KCNJ16: variants seen among roughly 807,000 people sequenced by gnomAD.
The protein encoded by KCNJ16 is inward rectifier potassium channel 16.
In KCNJ16, 15 loss-of-function variants were observed where a neutral mutation model predicts 18.5. The observed-to-expected ratio is 0.81, with a 90% CI of 0.54 to 1.25. KCNJ16 has a LOEUF of 1.25. Among genes scored for constraint, KCNJ16 ranks in the 50% most tolerant of loss-of-function variants. KCNJ16 has a pLI of 0.00. For synonymous variants in KCNJ16, 174 were observed against 186.5 expected, an observed-to-expected ratio of 0.93 and a Z score of 0.55; for missense variants, 523 against 525.7, an observed-to-expected ratio of 0.99 and a Z score of 0.05.
intron 2 of KCNJ16, among the ~76,000 whole-genome samples, chr17:70,118,486 G>A (rs2073501379): frequency 1.3e-5 from 2 of 152,044 alleles, no homozygotes; most frequent in South Asian, 4.2e-4. Flanking sequence ...TCATAGTTCT[G>A]CAGGTTCTCC....
chr17:70,109,506 C>T (rs1325153713), intron 2 of KCNJ16, among the ~76,000 whole-genome samples: 1 of 152,138 alleles, frequency 6.6e-6, no homozygotes, highest in African/African-American at 2.4e-5. Flanking sequence ...TATCTACATA[C>T]TGCCTATTAT....
rs1205314537 is a variant in KCNJ16, at chr17:70,133,437, G to T, written c.*93G>T. The T allele has an allele frequency of 9.6e-7, 1 of 1,045,902 alleles. No individual in the cohort carries two copies. Among genetic ancestry groups the T allele is most frequent in the Non-Finnish European group, 1.4e-6 (1 of 711,984 alleles). 64.8% of individuals were successfully genotyped at this position (1,045,902 alleles called of 1,614,324 possible). A position where few individuals can be genotyped will look rare whatever the true frequency, so the allele number is the denominator to read the frequency against. Reference sequence around the variant, plus strand: ...ACGTGGCTTTTTTGAAAGTGTTATGGCTATGTTTTATGATGATGCTGGGTA... The same window carrying T: ...ACGTGGCTTTTTTGAAAGTGTTATGTCTATGTTTTATGATGATGCTGGGTA... On this transcript the variant is annotated 3_prime_UTR_variant, in exon 4 of 4. Transcript: ENST00000392671.
intron 2 of KCNJ16, chr17:70,104,970 AC>A (rs35473351): frequency 0.28 from 43,044 of 152,504 alleles, 6,740 homozygotes; most frequent in East Asian, 0.49. Flanking sequence ...TCAGAAGGGT[AC>A]TAACAGGGCC....
intron 2 of KCNJ16, among the ~76,000 whole-genome samples, chr17:70,130,390 A>G (rs918707610): frequency 2.0e-5 from 3 of 152,330 alleles, no homozygotes; most frequent in Admixed American, 2.0e-4. Context: ...AAGTGCTGAC[A>G]AACGAGAGGA....
chr17:70,132,015 C>G lies in KCNJ16; in HGVS notation c.-73C>G, dbSNP rs779686130. Reference sequence around the variant, plus strand: ...TTTAGGTTCTAACTGAAAACCCAAACCAAGAAATAGCAACAAGTCTAGAAT... The same window carrying G: ...TTTAGGTTCTAACTGAAAACCCAAAGCAAGAAATAGCAACAAGTCTAGAAT... On this transcript the variant is annotated 5_prime_UTR_variant, in exon 4 of 4. Transcript: ENST00000392671. 1 of 1,595,434 alleles carries G rather than the reference C, an allele frequency of 6.3e-7. No individual in the cohort carries two copies. Among genetic ancestry groups the G allele is most frequent in the Non-Finnish European group, 8.5e-7 (1 of 1,170,866 alleles).
chr17:70,092,672 C>T (rs1442682469), intron 1 of KCNJ16, among the ~76,000 whole-genome samples: 2 of 152,066 alleles, frequency 1.3e-5, no homozygotes, highest in East Asian at 3.9e-4. Context: ...CCACAATATG[C>T]CATCTGCAGC....
At position 70,133,951 on chromosome 17, in the gene KCNJ16, C is replaced by T. The variant is rs758571879; in HGVS notation, c.*607C>T. On this transcript the variant is annotated 3_prime_UTR_variant, in exon 4 of 4. Transcript: ENST00000392671. Reference sequence around the variant, plus strand: ...GCCACCAATTCCACTGCTACTTGCCCAGGTAGTGATCAGTGAGAGTTAGAA... The same window carrying T: ...GCCACCAATTCCACTGCTACTTGCCTAGGTAGTGATCAGTGAGAGTTAGAA... 4 of 167,250 alleles carry T rather than the reference C, an allele frequency of 2.4e-5. No homozygotes were observed. The highest frequency in any genetic ancestry group is 4.4e-5 in the Non-Finnish European group (3 of 68,294). 10.4% of individuals were successfully genotyped at this position (167,250 alleles called of 1,614,324 possible). A position where few individuals can be genotyped will look rare whatever the true frequency, so the allele number is the denominator to read the frequency against.
chr17:70,110,237 C>T (rs1352787977), intron 2 of KCNJ16, among the ~76,000 whole-genome samples: 1 of 152,014 alleles, frequency 6.6e-6, no homozygotes, highest in African/African-American at 2.4e-5. Context: ...TGTTTTGGGT[C>T]ACTCTTCTGT....
chr17:70,107,001 T>C (rs914315889), intron 2 of KCNJ16, among the ~76,000 whole-genome samples: 4 of 152,182 alleles, frequency 2.6e-5, no homozygotes, highest in African/African-American at 9.6e-5. Flanking sequence ...TCTACCATTG[T>C]TACAGTAGCT....
At chr17:70,095,190 G>A (rs1272294538) in intron 1 of KCNJ16, among the ~76,000 whole-genome samples, 1 of 152,172 alleles carries the variant, frequency 6.6e-6, no homozygotes, top group Non-Finnish European at 1.5e-5. Flanking sequence ...GCTGTCCCAC[G>A]TAGCATTTAC....
At chr17:70,095,457 G>A (rs8069216) in intron 1 of KCNJ16, among the ~76,000 whole-genome samples, 129,173 of 152,176 alleles carry the variant, frequency 0.85, 54,897 homozygotes, top group East Asian at 0.96. Context: ...TATAGAGGAA[G>A]CCCGGCTTCC....
chr17:70,122,049 G>A, intron 2 of KCNJ16, among the ~76,000 whole-genome samples: 1 of 152,222 alleles, frequency 6.6e-6, no homozygotes, highest in East Asian at 1.9e-4. Context: ...ACTGAAGACA[G>A]TGGTTTTGAC....
At chr17:70,098,005 T>C (rs942610800) in intron 1 of KCNJ16, among the ~76,000 whole-genome samples, 4 of 152,214 alleles carry the variant, frequency 2.6e-5, no homozygotes, top group Non-Finnish European at 5.9e-5. Context: ...GTTAGTCTCC[T>C]GATCAAAGCT....
chr17:70,129,909 T>C (rs919573770), intron 2 of KCNJ16, among the ~76,000 whole-genome samples: 8 of 91,388 alleles, frequency 8.8e-5, no homozygotes, highest in South Asian at 3.3e-4. Flanking sequence ...TTCATTTATT[T>C]ATTTATTTAT....
intron 2 of KCNJ16, among the ~76,000 whole-genome samples, chr17:70,109,962 T>C (rs2073111700): frequency 6.6e-6 from 1 of 152,140 alleles, no homozygotes; most frequent in Admixed American, 6.6e-5. Context: ...CATCTGCACC[T>C]ACAATGTCAG....
Position 70,132,624 on chromosome 17 carries a change from C to G in KCNJ16, c.537C>G (p.Ala179=). 1 of 1,614,096 alleles carries G rather than the reference C, an allele frequency of 6.2e-7. No homozygotes were observed. Reference sequence around the variant, plus strand: ...AAATGGCAACTGCTCGAAAGAGAGCCCAAACCATTCGTTTCAGCTACTTTG... The same window carrying G: ...AAATGGCAACTGCTCGAAAGAGAGCGCAAACCATTCGTTTCAGCTACTTTG... ...LAKMATARKR[A]QTIRFSYFAL... The change falls in exon 4 of 4, where the codon GCC becomes GCG. Residue 179 remains alanine, a synonymous_variant. Transcript: ENST00000392671.
At chr17:70,112,117 G>T (rs541151343) in intron 2 of KCNJ16, among the ~76,000 whole-genome samples, 1 of 152,278 alleles carries the variant, frequency 6.6e-6, no homozygotes, top group African/African-American at 2.4e-5. Flanking sequence ...GCCACACTCA[G>T]GTGCCCCTGG....
At chr17:70,110,482 G>GCGCACACACACACACA in intron 2 of KCNJ16, among the ~76,000 whole-genome samples, 2 of 149,878 alleles carry the variant, frequency 1.3e-5, no homozygotes, top group Admixed American at 1.3e-4. Context: ...CTTCGTGCGC[G>GCGCACACACACACACA]CACACACACA....
At position 70,103,342 on chromosome 17, in the gene KCNJ16, T is replaced by A. The variant is rs1270929635; in HGVS notation, c.-191+2576T>A. Among the ~76,000 whole-genome samples, 246 of 50,692 alleles carry A rather than the reference T, an allele frequency of 4.9e-3. 2 individuals carry two copies. The highest frequency in any genetic ancestry group is 7.1e-3 in the Non-Finnish European group (166 of 23,508). 33.3% of individuals were successfully genotyped at this position (50,692 alleles called of 152,430 possible). ...TATATACACACACATATATATATAT[T>A]TTTTTGTCAAGACAGCGTCTCACTA... On this transcript the variant is annotated intron_variant, in intron 2 of 3. Transcript: ENST00000392671.
Sources: gnomAD v4.1 joint callset for allele counts (sites outside exome capture counted in the v4.1 genomes callset) on GRCh38, gnomAD v4.1.1 for gene constraint, MANE v1.5 for transcripts, NCBI Gene and HGNC (gene_info 2026-07-23, HGNC 2026-07-21) for gene names.